Variants in COL5A2 observed in about 807,000 individuals in gnomAD.
COL5A2 encodes the protein collagen type V alpha 2 chain.
Under a neutral mutation model 208.2 loss-of-function variants are expected in COL5A2, and 23 were observed. The observed-to-expected ratio is 0.11, with a 90% CI of 0.08 to 0.16. COL5A2 has a LOEUF of 0.16. Ranked by LOEUF, COL5A2 falls within the 10% of genes least tolerant of loss-of-function variation. The probability of loss-of-function intolerance (pLI) is 1.00; values close to 1 mark genes in which losing one functional copy is unlikely to be tolerated. For missense variants in COL5A2, 1,590 were observed against 1,956.4 expected (o/e 0.81, Z 3.53); for synonymous variants, 625 against 628.5 (o/e 0.99, Z 0.08).
At chr2:189,106,564 T>C (rs1352255211) in intron 2 of COL5A2, among the ~76,000 whole-genome samples, 1 of 151,304 alleles carries the variant, frequency 6.6e-6, no homozygotes, top group Admixed American at 6.6e-5. Flanking sequence ...TTTGCTCCTC[T>C]TTTTAGAGTT....
At chr2:189,322,283 C>A in the COL5A2 span, among the ~76,000 whole-genome samples, 1 of 152,170 alleles carries the variant, frequency 6.6e-6, no homozygotes, top group African/African-American at 2.4e-5. Context: ...GAAGCAAGAG[C>A]AAACACATTC....
Position 189,094,057 on chromosome 2 carries a change from G to A in COL5A2, c.457-1637C>T, listed in dbSNP as rs568543659. On this transcript the variant is annotated intron_variant, in intron 6 of 53. Coordinates refer to ENST00000374866, the MANE Select transcript of COL5A2 (RefSeq NM_000393.5). The stretch of plus-strand genomic sequence containing the variant: ...TGTCAACAGGAGTGGAGATAAGTTT[G>A]AGAAATATTCATTAGTCCTCCAAAG... Among the ~76,000 whole-genome samples, 54 of 152,310 alleles carry A rather than the reference G, an allele frequency of 3.5e-4. No individual in the cohort carries two copies. The South Asian group carries it at 0.01, about 29-fold the overall frequency.
intron 51 of COL5A2, among the ~76,000 whole-genome samples, chr2:189,037,054 AC>A (rs1271253772): frequency 1.3e-5 from 2 of 152,154 alleles, no homozygotes; most frequent in South Asian, 4.1e-4. Context: ...AAATATCATT[AC>A]CCCCATTTTA....
chr2:189,303,700 C>A, the COL5A2 span, among the ~76,000 whole-genome samples: 1 of 152,326 alleles, frequency 6.6e-6, no homozygotes, highest in East Asian at 1.9e-4. Flanking sequence ...CAGCAGCACA[C>A]TTCAACCACT....
the COL5A2 span, among the ~76,000 whole-genome samples, chr2:189,319,317 T>C: frequency 6.6e-6 from 1 of 152,194 alleles, no homozygotes; most frequent in Non-Finnish European, 1.5e-5. Flanking sequence ...AGACAGTAGG[T>C]GCAGGACACT....
At chr2:189,146,029 G>A (rs1025440926) in intron 1 of COL5A2, among the ~76,000 whole-genome samples, 5 of 152,068 alleles carry the variant, frequency 3.3e-5, no homozygotes, top group African/African-American at 4.8e-5. Flanking sequence ...CAATTTAACT[G>A]AAAAGGCACC....
chr2:189,163,494 T>C (rs1229002352), intron 1 of COL5A2, among the ~76,000 whole-genome samples: 1 of 152,236 alleles, frequency 6.6e-6, no homozygotes, highest in Admixed American at 6.5e-5. Context: ...TAACAGCATC[T>C]AGGAACTTTA....
intron 21 of COL5A2, among the ~76,000 whole-genome samples, chr2:189,067,462 T>G (rs1686178686): frequency 6.6e-6 from 1 of 152,170 alleles, no homozygotes; most frequent in Non-Finnish European, 1.5e-5. Context: ...ATATTTATTT[T>G]TATACATCAA....
At chr2:189,140,740 T>C (rs1254870988) in intron 1 of COL5A2, among the ~76,000 whole-genome samples, 1 of 152,150 alleles carries the variant, frequency 6.6e-6, no homozygotes, top group Non-Finnish European at 1.5e-5. Flanking sequence ...GAAAAATAGT[T>C]TCTAGTATCA....
At chr2:189,341,713 GT>G in the COL5A2 span, among the ~76,000 whole-genome samples, 1 of 152,040 alleles carries the variant, frequency 6.6e-6, no homozygotes, top group African/African-American at 2.4e-5. Context: ...TACATATTTT[GT>G]TTTTGTTTTC....
chr2:189,206,572 T>A (rs763229746), intron 1 of COL5A2, among the ~76,000 whole-genome samples: 1 of 152,192 alleles, frequency 6.6e-6, no homozygotes, highest in African/African-American at 2.4e-5. Flanking sequence ...TGGTCCCCTG[T>A]TAAAACCATG....
chr2:189,034,264 A>C, intron 53 of COL5A2, 48 bp from the exon 54 acceptor site: 1 of 1,607,936 alleles, frequency 6.2e-7, no homozygotes, highest in Non-Finnish European at 8.5e-7. Flanking sequence ...AATTTTTTCC[A>C]AGTATGTTAG....
chr2:189,438,081 T>C, the COL5A2 span, among the ~76,000 whole-genome samples: 27 of 151,896 alleles, frequency 1.8e-4, 1 homozygote, highest in South Asian at 6.2e-4. Flanking sequence ...AAGGACTTGA[T>C]GACACTTCAC....
the COL5A2 span, among the ~76,000 whole-genome samples, chr2:189,399,128 T>A: frequency 6.6e-6 from 1 of 152,196 alleles, no homozygotes; most frequent in Non-Finnish European, 1.5e-5. Context: ...TTTCTGCATT[T>A]TTATGCTTTC....
At chr2:189,039,714 G>A (rs559337763) in intron 50 of COL5A2, 151 bp from the exon 51 acceptor site, 2 of 691,702 alleles carry the variant, frequency 2.9e-6, no homozygotes, top group Admixed American at 2.7e-5. Flanking sequence ...CTAGATGGGG[G>A]TGGTCTAACA....
chr2:189,419,084 A>G, the COL5A2 span, among the ~76,000 whole-genome samples: 1 of 152,170 alleles, frequency 6.6e-6, no homozygotes, highest in East Asian at 1.9e-4. Context: ...GATCCTCAGG[A>G]AGATGATTCT....
chr2:189,110,286 C>A lies in COL5A2; in HGVS notation c.261G>T (p.Thr87=), dbSNP rs142044596. 6.2e-7 allele frequency: 1 copy of A among 1,614,112 alleles called. No individual in the cohort carries two copies. The highest frequency in any genetic ancestry group is 1.3e-5 in the African/African-American group (1 of 75,012). ...AGACAGGACAGCATTCCCCAGGGGG[C>A]GTTACAGGGTCGGCACAGTCCAGCA... ...QDVLDCADPV[T]PPGECCPVCS... Residue 87 remains threonine, a synonymous_variant, in exon 2 of 54, where the codon ACG becomes ACT. Transcript: ENST00000374866.
At chr2:189,216,442 G>A (rs548145592) in intron 1 of COL5A2, among the ~76,000 whole-genome samples, 3 of 151,376 alleles carry the variant, frequency 2.0e-5, no homozygotes, top group African/African-American at 7.3e-5. Flanking sequence ...TAGGTGATGC[G>A]AATTCAAAGC....
intron 1 of COL5A2, among the ~76,000 whole-genome samples, chr2:189,217,248 C>T (rs1689290503): frequency 6.6e-6 from 1 of 152,116 alleles, no homozygotes; most frequent in African/African-American, 2.4e-5. Flanking sequence ...TTTAAAAGGA[C>T]CGTAATCAGT....
Sources: gnomAD v4.1 joint callset for allele counts (sites outside exome capture counted in the v4.1 genomes callset) on GRCh38, gnomAD v4.1.1 for gene constraint, MANE v1.5 for transcripts, NCBI Gene and HGNC (gene_info 2026-07-23, HGNC 2026-07-21) for gene names.